EYS: variants seen among roughly 807,000 people sequenced by gnomAD.
The protein encoded by EYS is protein eyes shut homolog.
A neutral mutation model predicts 282.1 loss-of-function variants in EYS; 250 were observed. That is an observed-to-expected ratio of 0.89 (90% CI 0.80 to 0.98). EYS has a LOEUF of 0.98. EYS is among the 50% of genes least tolerant of loss of function. The probability of loss-of-function intolerance (pLI) is 0.00; values close to 1 mark genes in which losing one functional copy is unlikely to be tolerated. For missense variants in EYS, 4,016 were observed against 3,709.0 expected (o/e 1.08, Z -2.15); for synonymous variants, 1,355 against 1,282.9 (o/e 1.06, Z -1.20).
chr6:65,104,584 C>A (rs964273428), intron 12 of EYS, among the ~76,000 whole-genome samples: 6 of 151,496 alleles, frequency 4.0e-5, no homozygotes, highest in Non-Finnish European at 7.4e-5. Flanking sequence ...GGTTTACCTA[C>A]AAGTTTCTTA....
At chr6:65,577,704 A>G (rs1293078022) in intron 2 of EYS, among the ~76,000 whole-genome samples, 1 of 151,664 alleles carries the variant, frequency 6.6e-6, no homozygotes, top group East Asian at 1.9e-4. Flanking sequence ...TCCAAACTAT[A>G]TAAAGAACTT....
intron 22 of EYS, among the ~76,000 whole-genome samples, chr6:64,683,793 A>C (rs1192772100): frequency 6.6e-6 from 1 of 152,190 alleles, no homozygotes; most frequent in Non-Finnish European, 1.5e-5. Flanking sequence ...CATTGTGCAG[A>C]CCGTGGTGAG....
chr6:65,183,392 T>C (rs534563676), intron 12 of EYS, among the ~76,000 whole-genome samples: 12 of 151,944 alleles, frequency 7.9e-5, no homozygotes, highest in Admixed American at 2.6e-4. Flanking sequence ...TTTTAAAGTA[T>C]ATATTCCTAT....
At chr6:65,274,444 A>G (rs1246845905) in intron 12 of EYS, among the ~76,000 whole-genome samples, 1 of 152,142 alleles carries the variant, frequency 6.6e-6, no homozygotes, top group African/African-American at 2.4e-5. Context: ...ATGTAGCTTT[A>G]TTGCTTGAGC....
At chr6:64,469,506 C>A (rs898699909) in intron 26 of EYS, among the ~76,000 whole-genome samples, 4 of 152,076 alleles carry the variant, frequency 2.6e-5, no homozygotes, top group Admixed American at 1.3e-4. Flanking sequence ...GAGATAGGAG[C>A]TGAGGGGACA....
intron 26 of EYS, among the ~76,000 whole-genome samples, chr6:64,562,998 C>T (rs990156173): frequency 5.3e-5 from 8 of 151,916 alleles, no homozygotes; most frequent in Non-Finnish European, 1.0e-4. Flanking sequence ...TATGCAAATG[C>T]ATTAATAATT....
intron 26 of EYS, among the ~76,000 whole-genome samples, chr6:64,519,024 G>A (rs1777650125): frequency 6.6e-6 from 1 of 151,758 alleles, no homozygotes; most frequent in Non-Finnish European, 1.5e-5. Context: ...AATAAAACCA[G>A]AAGCAGCTAG....
intron 36 of EYS, among the ~76,000 whole-genome samples, chr6:63,842,371 CTTTT>C (rs915649935): frequency 4.6e-5 from 7 of 152,174 alleles, no homozygotes; most frequent in Non-Finnish European, 1.0e-4. Context: ...TGATGATGAG[CTTTT>C]TTTCATACAT....
chr6:64,601,272 T>A (rs1231243959), intron 24 of EYS, among the ~76,000 whole-genome samples: 1 of 152,050 alleles, frequency 6.6e-6, no homozygotes, highest in Non-Finnish European at 1.5e-5. Flanking sequence ...ACTTCACACT[T>A]CTCTGAAATA....
intron 28 of EYS, among the ~76,000 whole-genome samples, chr6:64,411,787 G>T (rs555307931): frequency 1.3e-5 from 2 of 148,884 alleles, no homozygotes; most frequent in South Asian, 2.1e-4. Flanking sequence ...GTTTGAGGCT[G>T]CAGTGAGCTA....
chr6:65,202,687 CAG>C (rs1765931985), intron 12 of EYS, among the ~76,000 whole-genome samples: 1 of 152,178 alleles, frequency 6.6e-6, no homozygotes, highest in Non-Finnish European at 1.5e-5. Context: ...TATTGCCTGA[CAG>C]CTGTGGTTTC....
intron 26 of EYS, among the ~76,000 whole-genome samples, chr6:64,507,748 C>A (rs11759428): frequency 0.3 from 45,463 of 151,762 alleles, 6,777 homozygotes; most frequent in East Asian, 0.46. Context: ...TTCATCCCCA[C>A]ATTTATTTAA....
chr6:64,074,079 T>C (rs900420088), intron 32 of EYS, among the ~76,000 whole-genome samples: 9 of 151,880 alleles, frequency 5.9e-5, no homozygotes, highest in African/African-American at 1.9e-4. Context: ...GAATCATTTA[T>C]TGATTTTTTT....
intron 26 of EYS, among the ~76,000 whole-genome samples, chr6:64,450,002 A>T (rs1288813273): frequency 1.3e-5 from 2 of 152,164 alleles, no homozygotes; most frequent in Non-Finnish European, 2.9e-5. Flanking sequence ...ATTCACACAT[A>T]ACAATACTAA....
chr6:65,686,777 C>G (rs534981392), intron 1 of EYS, among the ~76,000 whole-genome samples: 1 of 152,004 alleles, frequency 6.6e-6, no homozygotes, highest in East Asian at 1.9e-4. Context: ...ATAAACAGGA[C>G]CAATGCAAAG....
chr6:64,570,733 C>T (rs1765698152), intron 26 of EYS, among the ~76,000 whole-genome samples: 1 of 152,108 alleles, frequency 6.6e-6, no homozygotes, highest in Non-Finnish European at 1.5e-5. Context: ...GAAGAGCTAA[C>T]TATGCTAAAT....
chr6:64,451,156 T>C (rs1775321707), intron 26 of EYS, among the ~76,000 whole-genome samples: 3 of 151,512 alleles, frequency 2.0e-5, no homozygotes, highest in Admixed American at 1.3e-4. Context: ...ATAGATGCAA[T>C]AAAAAAATGA....
At chr6:64,328,537 C>T (rs1582605215) in intron 29 of EYS, among the ~76,000 whole-genome samples, 1 of 152,340 alleles carries the variant, frequency 6.6e-6, no homozygotes, top group African/African-American at 2.4e-5. Context: ...CAGCTTTACA[C>T]ACCATTTGAC....
At chr6:63,978,312 G>A (rs1766938639) in intron 35 of EYS, among the ~76,000 whole-genome samples, 1 of 151,968 alleles carries the variant, frequency 6.6e-6, no homozygotes. Flanking sequence ...GCTGCCCACA[G>A]TGGGAGATGT....
Sources: allele counts gnomAD v4.1 joint callset (sites outside exome capture counted in the v4.1 genomes callset), GRCh38; gene constraint gnomAD v4.1.1; transcripts MANE v1.5; gene names NCBI Gene and HGNC (gene_info 2026-07-23, HGNC 2026-07-21).